Variants in RBFOX1 observed in about 807,000 individuals in gnomAD.
RBFOX1 encodes RNA binding protein fox-1 homolog 1.
Under a neutral mutation model 57.7 loss-of-function variants are expected in RBFOX1, and 8 were observed. That is an observed-to-expected ratio of 0.14 (90% CI 0.08 to 0.25). The LOEUF is 0.25. RBFOX1 is among the 10% of genes least tolerant of loss of function. The probability of loss-of-function intolerance (pLI) is 1.00; values close to 1 mark genes in which losing one functional copy is unlikely to be tolerated. For synonymous variants in RBFOX1, 326 were observed against 222.4 expected (o/e 1.47, Z -4.15); for missense variants, 611 against 548.5 (o/e 1.11, Z -1.14).
intron 2 of RBFOX1, among the ~76,000 whole-genome samples, chr16:6,565,354 T>A (rs779486896): frequency 4.6e-5 from 7 of 152,054 alleles, no homozygotes; most frequent in Admixed American, 6.6e-5. Context: ...TCTCCCAGAT[T>A]CAAGCTGATT....
intron 4 of RBFOX1, among the ~76,000 whole-genome samples, chr16:7,066,135 C>G (rs1294763288): frequency 1.3e-5 from 2 of 152,180 alleles, no homozygotes; most frequent in African/African-American, 4.8e-5. Context: ...TAGGCACAAA[C>G]AAATGCTAAG....
intron 1 of RBFOX1, among the ~76,000 whole-genome samples, chr16:6,125,729 G>T (rs1185690216): frequency 1.3e-5 from 2 of 152,082 alleles, no homozygotes; most frequent in Non-Finnish European, 2.9e-5. Context: ...GGATTTGCAG[G>T]AAATAGAGTA....
At chr16:6,872,042 C>G (rs1040264778) in intron 3 of RBFOX1, among the ~76,000 whole-genome samples, 4 of 151,148 alleles carry the variant, frequency 2.6e-5, no homozygotes, top group Non-Finnish European at 5.9e-5. Context: ...GTGTAGGTAT[C>G]GTTTCTGGAA....
At chr16:6,552,911 T>C (rs2097018893) in intron 2 of RBFOX1, among the ~76,000 whole-genome samples, 1 of 152,156 alleles carries the variant, frequency 6.6e-6, no homozygotes, top group African/African-American at 2.4e-5. Context: ...TGTTATTAGA[T>C]TACATAGATT....
chr16:7,041,148 C>G (rs1337323738), intron 3 of RBFOX1, among the ~76,000 whole-genome samples: 1 of 137,644 alleles, frequency 7.3e-6, no homozygotes, highest in Non-Finnish European at 1.5e-5. Flanking sequence ...GTTGGTCAGG[C>G]TGGTGTCGAA....
intron 4 of RBFOX1, among the ~76,000 whole-genome samples, chr16:7,175,196 C>G (rs1411093841): frequency 6.6e-6 from 1 of 152,056 alleles, no homozygotes; most frequent in Non-Finnish European, 1.5e-5. Context: ...ACTCTTCCTC[C>G]TATCCACCCC....
At chr16:7,658,627 G>A (rs1172309025) in intron 12 of RBFOX1, among the ~76,000 whole-genome samples, 2 of 152,134 alleles carry the variant, frequency 1.3e-5, no homozygotes, top group African/African-American at 2.4e-5. Flanking sequence ...GAAAACAGCA[G>A]CTAAATCCCA....
At chr16:7,375,375 T>G (rs2097666304) in intron 4 of RBFOX1, among the ~76,000 whole-genome samples, 1 of 152,180 alleles carries the variant, frequency 6.6e-6, no homozygotes, top group South Asian at 2.1e-4. Context: ...TAGGGTAAAT[T>G]AAAATGGAAT....
intron 2 of RBFOX1, among the ~76,000 whole-genome samples, chr16:6,532,082 G>C (rs201633566): frequency 6.6e-6 from 1 of 152,098 alleles, no homozygotes; most frequent in South Asian, 2.1e-4. Context: ...CTCCAGTTCT[G>C]GATCCCAGAA....
intron 5 of RBFOX1, among the ~76,000 whole-genome samples, chr16:7,531,100 A>G (rs77795157): frequency 0.057 from 8,657 of 152,260 alleles, 326 homozygotes; most frequent in South Asian, 0.13. Flanking sequence ...AATGTTGCAG[A>G]TTTGTTTTGA....
intron 4 of RBFOX1, among the ~76,000 whole-genome samples, chr16:5,955,279 C>G (rs1462579897): frequency 7.2e-6 from 1 of 138,358 alleles, no homozygotes; most frequent in Non-Finnish European, 1.5e-5. Flanking sequence ...GAGACTCTGT[C>G]TCCCAATAAA....
chr16:6,554,698 T>C (rs1478605503), intron 2 of RBFOX1, among the ~76,000 whole-genome samples: 1 of 151,552 alleles, frequency 6.6e-6, no homozygotes, highest in African/African-American at 2.4e-5. Context: ...AAATCTTCAG[T>C]CCATCCTCTG....
chr16:6,287,431 C>T (rs749151002), intron 1 of RBFOX1, among the ~76,000 whole-genome samples: 3 of 151,942 alleles, frequency 2.0e-5, no homozygotes, highest in Non-Finnish European at 4.4e-5. Context: ...TTAAATTAGC[C>T]AATGGATGTG....
At chr16:5,602,853 T>C (rs2047411396), downstream of RBFOX1, among the ~76,000 whole-genome samples, 1 of 152,170 alleles carries the variant, frequency 6.6e-6, no homozygotes, top group Non-Finnish European at 1.5e-5. Flanking sequence ...GTAATAACTA[T>C]TTATGAAATT....
At chr16:7,675,419 A>T (rs1359632632) in intron 13 of RBFOX1, among the ~76,000 whole-genome samples, 1 of 152,160 alleles carries the variant, frequency 6.6e-6, no homozygotes, top group Non-Finnish European at 1.5e-5. Context: ...AAAAAAAAAA[A>T]AAACTGGTTC....
rs115489915 is a variant in RBFOX1 at position 6,657,138 on chromosome 16, C to T, written c.-16+2488C>T. ...CTCTCCTCTCCTCTCCTCTCCTCTT[C>T]TCTCCTCTTCTCTCCTCTTTTCCTC... On this transcript the variant is annotated intron_variant, in intron 3 of 15. Coordinates refer to ENST00000550418, the MANE Select transcript of RBFOX1 (RefSeq NM_018723.4). 2.6e-3 allele frequency among the ~76,000 whole-genome samples: 366 copies of T among 141,996 alleles called. 17 individuals are homozygous for T. The highest frequency in any genetic ancestry group is 9.4e-3 in the African/African-American group (341 of 36,126). 93.2% of individuals were successfully genotyped at this position (141,996 alleles called of 152,430 possible). A position where few individuals can be genotyped will look rare whatever the true frequency, so the allele number is the denominator to read the frequency against.
chr16:5,276,586 C>T (rs765660243), intron 1 of RBFOX1, among the ~76,000 whole-genome samples: 6 of 152,170 alleles, frequency 3.9e-5, no homozygotes. Context: ...AGTTTGAGAC[C>T]AGCCTGACTA....
chr16:6,782,526 C>T (rs73530732), intron 3 of RBFOX1, among the ~76,000 whole-genome samples: 17,791 of 151,598 alleles, frequency 0.12, 1,818 homozygotes, highest in African/African-American at 0.27. Flanking sequence ...ATTTTATGTC[C>T]CGGGATTTTT....
intron 4 of RBFOX1, among the ~76,000 whole-genome samples, chr16:7,425,496 T>A (rs1206190904): frequency 6.6e-6 from 1 of 152,212 alleles, no homozygotes; most frequent in Non-Finnish European, 1.5e-5. Flanking sequence ...TACATTTATA[T>A]CAGGATGAAT....
Sources: gnomAD v4.1 joint callset for allele counts (sites outside exome capture counted in the v4.1 genomes callset) on GRCh38, gnomAD v4.1.1 for gene constraint, MANE v1.5 for transcripts, NCBI Gene and HGNC (gene_info 2026-07-23, HGNC 2026-07-21) for gene names.